TSPAN7: variants seen among roughly 807,000 people sequenced by gnomAD.
TSPAN7 encodes the protein tetraspanin-7.
Under a neutral mutation model 17.6 loss-of-function variants are expected in TSPAN7, and 1 was observed. The observed-to-expected ratio is 0.06, with a 90% CI of 0.02 to 0.27. The LOEUF (loss-of-function observed/expected upper bound fraction) is 0.27. TSPAN7 is among the 10% of genes least tolerant of loss of function. The pLI is 1.00. For synonymous variants in TSPAN7, 78 were observed against 79.0 expected (o/e 0.99, Z 0.07); for missense variants, 112 against 201.7 (o/e 0.56, Z 2.69).
intron 1 of TSPAN7, among the ~76,000 whole-genome samples, chrX:38,608,677 T>C (rs1430545968): frequency 1.8e-5 from 2 of 111,521 alleles, no homozygotes; most frequent in Non-Finnish European, 3.8e-5. Flanking sequence ...GTGCCAGCCA[T>C]ACATAATTGA....
intron 1 of TSPAN7, among the ~76,000 whole-genome samples, chrX:38,617,571 C>T (rs1327348418): frequency 1.8e-5 from 2 of 112,209 alleles, no homozygotes; most frequent in Non-Finnish European, 3.8e-5. Context: ...ATAGACAATA[C>T]AGAGTTTTGC....
rs17145073 is a variant in TSPAN7, at chrX:38,598,086, C to T, written c.81+36459C>T. On this transcript the variant is annotated intron_variant, in intron 1 of 7. Coordinates refer to ENST00000378482, the MANE Select transcript of TSPAN7 (RefSeq NM_004615.4). ...GAGTCTGTGTCTTCTTTTTGGTCAACTTTGCTGCATAAATATCACAGAAAT... is the reference window on the plus strand; with the variant it reads ...GAGTCTGTGTCTTCTTTTTGGTCAATTTTGCTGCATAAATATCACAGAAAT... 5.5e-3 allele frequency among the ~76,000 whole-genome samples: 612 copies of T among 111,376 alleles called. 5 individuals carry two copies. Among genetic ancestry groups the T allele is most frequent in the African/African-American group, 0.019 (575 of 30,690 alleles).
intron 1 of TSPAN7, among the ~76,000 whole-genome samples, chrX:38,623,468 A>G (rs1392067096): frequency 9.2e-6 from 1 of 109,176 alleles, no homozygotes; most frequent in Non-Finnish European, 1.9e-5. Flanking sequence ...GCTCTTTCTC[A>G]GCGTCCTTTA....
rs756532015 is a variant in TSPAN7 at position 38,613,333 on chromosome X, G to A, written c.81+51706G>A. 1.2e-3 allele frequency among the ~76,000 whole-genome samples: 133 copies of A among 111,842 alleles called. 1 individual carries two copies. The highest frequency in any genetic ancestry group is 1.9e-3 in the Non-Finnish European group (101 of 53,111). Reference sequence around the variant, plus strand: ...ATATATTTGCTTAATTTTTCTCCTAGGTGTATAGTTTCTGTTCCCAGTGCT... The same window carrying A: ...ATATATTTGCTTAATTTTTCTCCTAAGTGTATAGTTTCTGTTCCCAGTGCT... On this transcript the variant is annotated intron_variant, in intron 1 of 7. Transcript: ENST00000378482.
At chrX:38,656,477 T>G (rs891727355) in intron 1 of TSPAN7, among the ~76,000 whole-genome samples, 3 of 111,690 alleles carry the variant, frequency 2.7e-5, no homozygotes, top group African/African-American at 9.8e-5. Context: ...TATCTGCTAA[T>G]GGCGCTAAGA....
At chrX:38,662,010 T>C (rs188223887) in intron 1 of TSPAN7, among the ~76,000 whole-genome samples, 25 of 111,616 alleles carry the variant, frequency 2.2e-4, no homozygotes, top group African/African-American at 7.5e-4. Flanking sequence ...GTTTTTATCC[T>C]TAGTGAGAAA....
intron 1 of TSPAN7, among the ~76,000 whole-genome samples, chrX:38,596,244 C>A (rs2069318077): frequency 9.0e-6 from 1 of 111,535 alleles, no homozygotes; most frequent in Admixed American, 9.5e-5. Context: ...CATTCTGTAT[C>A]TTTCAGATGA....
chrX:38,595,277 A>G (rs1402832706), intron 1 of TSPAN7, among the ~76,000 whole-genome samples: 1 of 111,691 alleles, frequency 9.0e-6, no homozygotes, highest in African/African-American at 3.2e-5. Context: ...AAATTTGTAC[A>G]GGAATATAGA....
chrX:38,592,210 A>G (rs921043730), intron 1 of TSPAN7, among the ~76,000 whole-genome samples: 2 of 111,767 alleles, frequency 1.8e-5, no homozygotes, highest in Non-Finnish European at 3.8e-5. Flanking sequence ...ACAATTCAAC[A>G]TGAGATTTGG....
chrX:38,575,188 A>T (rs1233229129), intron 1 of TSPAN7, among the ~76,000 whole-genome samples: 1 of 110,955 alleles, frequency 9.0e-6, no homozygotes, highest in East Asian at 2.8e-4. Flanking sequence ...TGGGAGGCAG[A>T]TTCTTCCCCA....
intron 1 of TSPAN7, among the ~76,000 whole-genome samples, chrX:38,562,728 C>T (rs1382163323): frequency 9.0e-6 from 1 of 111,349 alleles, no homozygotes; most frequent in African/African-American, 3.3e-5. Flanking sequence ...CTTTTCATGT[C>T]GGTGACCCCG....
At position 38,671,359 on chromosome X, in the gene TSPAN7, G is replaced by A; in HGVS notation, c.271-17G>A. 1 of 1,208,846 alleles carries A rather than the reference G, an allele frequency of 8.3e-7. No homozygotes were observed. The highest frequency in any genetic ancestry group is 1.1e-6 in the Non-Finnish European group (1 of 892,876). ...TCCTGATGTATCTGACTTTGTCTTT[G>A]TGTGCTTAATTTTCAGTATGCCATG... On this transcript the variant is annotated splice_polypyrimidine_tract_variant and intron_variant, in intron 2 of 7. Coordinates refer to ENST00000378482, the MANE Select transcript of TSPAN7 (RefSeq NM_004615.4).
At chrX:38,575,038 C>A (rs919263232) in intron 1 of TSPAN7, among the ~76,000 whole-genome samples, 1 of 111,500 alleles carries the variant, frequency 9.0e-6, no homozygotes, top group African/African-American at 3.3e-5. Flanking sequence ...TTTGAAGAAT[C>A]AAACTTTTAT....
At chrX:38,611,789 C>T (rs1291594350) in intron 1 of TSPAN7, among the ~76,000 whole-genome samples, 1 of 111,246 alleles carries the variant, frequency 9.0e-6, no homozygotes, top group East Asian at 2.8e-4. Flanking sequence ...GATATAGGTA[C>T]AATATAAAGA....
chrX:38,648,940 A>G (rs992661729), intron 1 of TSPAN7, among the ~76,000 whole-genome samples: 7 of 110,514 alleles, frequency 6.3e-5, no homozygotes, highest in Non-Finnish European at 1.3e-4. Flanking sequence ...AAAAAGAAGT[A>G]ACAGATGCCA....
chrX:38,586,647 T>G (rs2069259733), intron 1 of TSPAN7, among the ~76,000 whole-genome samples: 1 of 112,434 alleles, frequency 8.9e-6, no homozygotes, highest in Admixed American at 9.4e-5. Flanking sequence ...CATTATGTCC[T>G]CAGAGTATAT....
At chrX:38,570,663 C>G (rs961235302) in intron 1 of TSPAN7, 1 of 112,121 alleles carries the variant, frequency 8.9e-6, no homozygotes, top group Admixed American at 9.4e-5. Context: ...TTGAAACACA[C>G]TTTAAAAATA....
intron 2 of TSPAN7, among the ~76,000 whole-genome samples, chrX:38,670,761 G>A (rs779238084): frequency 7.1e-5 from 8 of 112,671 alleles, no homozygotes; most frequent in South Asian, 3.6e-4. Flanking sequence ...CATCCTGGCC[G>A]TGTTCACAAA....
intron 1 of TSPAN7, among the ~76,000 whole-genome samples, chrX:38,573,950 G>A (rs988016752): frequency 1.8e-5 from 2 of 111,697 alleles, no homozygotes; most frequent in Admixed American, 9.5e-5. Flanking sequence ...TCACCGGGGT[G>A]AGATAATTTG....
Sources: gnomAD v4.1 joint callset for allele counts (sites outside exome capture counted in the v4.1 genomes callset) on GRCh38, gnomAD v4.1.1 for gene constraint, MANE v1.5 for transcripts, NCBI Gene and HGNC (gene_info 2026-07-23, HGNC 2026-07-21) for gene names.